The following GALNT14 variants were observed in gnomAD, a reference collection of about 807,000 sequenced individuals.
GALNT14 encodes the protein UDP-GalNAc:polypeptide N-acetylgalactosaminyltransferase 14.
Under a neutral mutation model 77.5 loss-of-function variants are expected in GALNT14, and 60 were observed. The observed-to-expected ratio is 0.77, with a 90% CI of 0.63 to 0.96. The LOEUF (loss-of-function observed/expected upper bound fraction) is 0.96. GALNT14 is among the 40% of genes least tolerant of loss of function. The probability of loss-of-function intolerance (pLI) is 0.00; values close to 1 mark genes in which losing one functional copy is unlikely to be tolerated. For synonymous variants in GALNT14, 280 were observed against 281.7 expected (o/e 0.99, Z 0.06); for missense variants, 710 against 731.0 (o/e 0.97, Z 0.33).
chr2:31,037,139 G>A (rs1672785089), intron 1 of GALNT14, among the ~76,000 whole-genome samples: 1 of 152,082 alleles, frequency 6.6e-6, no homozygotes, highest in African/African-American at 2.4e-5. Flanking sequence ...GTGTTCCATA[G>A]GTCTCTGATG....
At chr2:31,124,131 G>A (rs1162278243) in intron 1 of GALNT14, among the ~76,000 whole-genome samples, 4 of 152,166 alleles carry the variant, frequency 2.6e-5, no homozygotes, top group African/African-American at 7.2e-5. Flanking sequence ...CCAGTGACCT[G>A]GGGCAGGTGA....
At chr2:31,027,831 T>C (rs1469092029) in intron 1 of GALNT14, among the ~76,000 whole-genome samples, 1 of 151,864 alleles carries the variant, frequency 6.6e-6, no homozygotes, top group African/African-American at 2.4e-5. Context: ...TGGAAAGCTT[T>C]AAGCAACAAG....
intron 1 of GALNT14, among the ~76,000 whole-genome samples, chr2:31,053,696 A>G (rs1026979818): frequency 1.3e-5 from 2 of 152,068 alleles, no homozygotes; most frequent in Middle Eastern, 3.2e-3. Context: ...AGATTCTCCT[A>G]TTGCTGCTTC....
intron 1 of GALNT14, among the ~76,000 whole-genome samples, chr2:31,051,603 T>C (rs1673872096): frequency 6.6e-6 from 1 of 152,218 alleles, no homozygotes; most frequent in Admixed American, 6.5e-5. Context: ...CATGAGCTAA[T>C]GCCTTAAAAT....
At chr2:30,947,700 C>T (rs1426156690) in intron 6 of GALNT14, among the ~76,000 whole-genome samples, 1 of 152,176 alleles carries the variant, frequency 6.6e-6, no homozygotes, top group African/African-American at 2.4e-5. Context: ...AGGCAGGAAC[C>T]TCTGTTTCTC....
chr2:30,895,136 G>A, the GALNT14 span, among the ~76,000 whole-genome samples: 1 of 152,212 alleles, frequency 6.6e-6, no homozygotes, highest in Non-Finnish European at 1.5e-5. Context: ...TATGGAAGCA[G>A]ATGAAGGAGC....
In GALNT14 at chr2:31,128,610, C is replaced by T. The variant is rs916208968; in HGVS notation, c.129+9348G>A. On this transcript the variant is annotated intron_variant, in intron 1 of 14. Coordinates refer to ENST00000349752, the MANE Select transcript of GALNT14 (RefSeq NM_024572.4). ...AGCCTAGGAATGAACAGCACAGCCT[C>T]CTGTCCTGCCAGCAAACCCTGCAGG... is the stretch of plus-strand genomic sequence containing the variant. Among the ~76,000 whole-genome samples the T allele has an allele frequency of 1.3e-4, 20 of 152,218 alleles. 1 individual carries two copies. The highest frequency in any genetic ancestry group is 4.6e-4 in the Admixed American group (7 of 15,286).
intron 1 of GALNT14, among the ~76,000 whole-genome samples, chr2:31,048,627 C>CTGCCTCCCA (rs369825736): frequency 2.6e-5 from 4 of 151,624 alleles, no homozygotes; most frequent in African/African-American, 9.7e-5. Flanking sequence ...CCTGCCTCCC[C>CTGCCTCCCA]GCAGCAGCAA....
chr2:31,057,337 C>A (rs1674286727), intron 1 of GALNT14, among the ~76,000 whole-genome samples: 2 of 111,502 alleles, frequency 1.8e-5, no homozygotes, highest in Non-Finnish European at 1.7e-5. Context: ...ATTATATATA[C>A]ACGTATATAT....
intron 13 of GALNT14, among the ~76,000 whole-genome samples, chr2:30,917,354 C>G (rs1273639492): frequency 1.3e-5 from 2 of 152,174 alleles, no homozygotes; most frequent in African/African-American, 2.4e-5. Context: ...AGGACAACCC[C>G]TCAACAAAGA....
chr2:31,129,469 A>G (rs1030038163), intron 1 of GALNT14: 2 of 985,448 alleles, frequency 2.0e-6, no homozygotes, highest in Non-Finnish European at 2.4e-6. Flanking sequence ...TAAGGACATT[A>G]GTCAATTCAG....
chr2:30,983,813 G>GCA (rs150080402), intron 2 of GALNT14, among the ~76,000 whole-genome samples: 20,533 of 54,842 alleles, frequency 0.37, 2,468 homozygotes, highest in African/African-American at 0.55. Flanking sequence ...ACACACGTAT[G>GCA]CACACACACA....
At chr2:30,933,901 T>C (rs1424481889) in intron 9 of GALNT14, among the ~76,000 whole-genome samples, 1 of 152,216 alleles carries the variant, frequency 6.6e-6, no homozygotes, top group African/African-American at 2.4e-5. Flanking sequence ...AGAACAACTG[T>C]GTAAACGCTA....
the GALNT14 span, among the ~76,000 whole-genome samples, chr2:30,905,276 A>G: frequency 6.6e-6 from 1 of 152,130 alleles, no homozygotes; most frequent in East Asian, 1.9e-4. Context: ...CTACGGGAGG[A>G]CATTCAAACC....
chr2:30,896,507 A>G, the GALNT14 span, among the ~76,000 whole-genome samples: 1 of 152,310 alleles, frequency 6.6e-6, no homozygotes, highest in East Asian at 1.9e-4. Flanking sequence ...TCTAAGATGG[A>G]GACAATAAGA....
intron 3 of GALNT14, among the ~76,000 whole-genome samples, chr2:30,961,855 G>GT (rs1558445415): frequency 1.8e-4 from 27 of 147,428 alleles, no homozygotes; most frequent in African/African-American, 5.4e-4. Flanking sequence ...CTAATTTTTT[G>GT]GTTTTTTTGT....
chr2:31,128,604 C>T (rs1558587327), intron 1 of GALNT14, among the ~76,000 whole-genome samples: 3 of 152,190 alleles, frequency 2.0e-5, no homozygotes, highest in Non-Finnish European at 4.4e-5. Flanking sequence ...ATGAACAGCA[C>T]AGCCTCCTGT....
chr2:31,137,470 C>T (rs902635608), intron 1 of GALNT14, among the ~76,000 whole-genome samples: 2 of 152,190 alleles, frequency 1.3e-5, no homozygotes, highest in African/African-American at 4.8e-5. Context: ...CGGGAGGCTG[C>T]AAGGCGCTCG....
intron 1 of GALNT14, among the ~76,000 whole-genome samples, chr2:31,092,346 C>T (rs1676790862): frequency 6.6e-6 from 1 of 151,822 alleles, no homozygotes; most frequent in African/African-American, 2.4e-5. Context: ...TATAAAGGCA[C>T]TAATCTATTC....
Sources: allele counts gnomAD v4.1 joint callset (sites outside exome capture counted in the v4.1 genomes callset), GRCh38; gene constraint gnomAD v4.1.1; transcripts MANE v1.5; gene names NCBI Gene and HGNC (gene_info 2026-07-23, HGNC 2026-07-21).